CARMIL1: variants seen among roughly 807,000 people sequenced by gnomAD.
CARMIL1 encodes F-actin-uncapping protein LRRC16A.
Under a neutral mutation model 177.1 loss-of-function variants are expected in CARMIL1, and 90 were observed. The observed-to-expected ratio is 0.51, with a 90% CI of 0.43 to 0.61. CARMIL1 has a LOEUF of 0.61. Ranked by LOEUF, CARMIL1 falls within the 20% of genes least tolerant of loss-of-function variation. The pLI is 0.00. For synonymous variants in CARMIL1, 577 were observed against 606.2 expected (o/e 0.95, Z 0.71); for missense variants, 1,380 against 1,667.0 (o/e 0.83, Z 3.00).
chr6:25,423,380 G>A (rs951050190), intron 3 of CARMIL1, among the ~76,000 whole-genome samples: 2 of 152,202 alleles, frequency 1.3e-5, no homozygotes, highest in African/African-American at 4.8e-5. Context: ...TCTTTCGGGG[G>A]TTGGGTAATT....
intron 26 of CARMIL1, among the ~76,000 whole-genome samples, chr6:25,542,874 T>C (rs531821437): frequency 2.6e-5 from 4 of 152,284 alleles, no homozygotes; most frequent in African/African-American, 7.2e-5. Context: ...ATTTTTAATA[T>C]AACCAGTGTT....
At chr6:25,573,369 C>T (rs543689717) in intron 29 of CARMIL1, among the ~76,000 whole-genome samples, 1 of 151,748 alleles carries the variant, frequency 6.6e-6, no homozygotes, top group South Asian at 2.1e-4. Flanking sequence ...ATTTCTTGGC[C>T]ATTAGATAAA....
chr6:25,314,808 A>G lies in CARMIL1; in HGVS notation c.138+29899A>G, dbSNP rs561062637. Reference sequence around the variant, plus strand: ...GCCCAAAATAACTTTTATTTTTATGATGGTTAGATTTTGCCTGCATATTTA... The same window carrying G: ...GCCCAAAATAACTTTTATTTTTATGGTGGTTAGATTTTGCCTGCATATTTA... On this transcript the variant is annotated intron_variant, in intron 2 of 36. Transcript: ENST00000329474. Among the ~76,000 whole-genome samples the G allele has an allele frequency of 3.9e-5, 6 of 152,242 alleles. No individual in the cohort carries two copies. In the South Asian group the frequency reaches 1.2e-3, roughly 32 times the overall value.
At chr6:25,476,263 G>A (rs562740780) in intron 11 of CARMIL1, among the ~76,000 whole-genome samples, 1 of 152,126 alleles carries the variant, frequency 6.6e-6, no homozygotes, top group East Asian at 1.9e-4. Flanking sequence ...CTTTTATCTA[G>A]CTGCGTCCCA....
At position 25,356,531 on chromosome 6, in the gene CARMIL1, A is replaced by G. The variant is rs1375710881; in HGVS notation, c.139-63583A>G. Among the ~76,000 whole-genome samples, 6 of 152,308 alleles carry G rather than the reference A, an allele frequency of 3.9e-5. No individual in the cohort carries two copies. In the East Asian group the frequency reaches 1.2e-3, roughly 29 times the overall value. ...AGGATTCTAGGTGGGTAGGGTGTAA[A>G]CCTCACCAAGTAACTCAGCTGAAAA... On this transcript the variant is annotated intron_variant, in intron 2 of 36. Coordinates refer to ENST00000329474, the MANE Select transcript of CARMIL1 (RefSeq NM_017640.6).
intron 23 of CARMIL1, among the ~76,000 whole-genome samples, chr6:25,523,696 C>T (rs1031542853): frequency 8.5e-5 from 13 of 152,100 alleles, no homozygotes; most frequent in African/African-American, 2.9e-4. Flanking sequence ...AAACAGAAAA[C>T]CAATGACTTT....
Position 25,385,038 on chromosome 6 carries a change from A to G in CARMIL1, c.139-35076A>G, listed in dbSNP as rs184009586. 2.0e-4 allele frequency among the ~76,000 whole-genome samples: 31 copies of G among 152,308 alleles called. No individual in the cohort carries two copies. The East Asian group carries it at 5.4e-3, about 26-fold the overall frequency. On this transcript the variant is annotated intron_variant, in intron 2 of 36. Transcript: ENST00000329474. ...CTGGAGGGACAATGATTAATAAGAT[A>G]ATCTTTCTTTACAGAGTTCACATTC...
At chr6:25,568,840 T>A (rs981046227) in intron 29 of CARMIL1, among the ~76,000 whole-genome samples, 5 of 152,212 alleles carry the variant, frequency 3.3e-5, no homozygotes, top group African/African-American at 1.2e-4. Context: ...CTTTAAATGT[T>A]GGAGAATGTC....
intron 2 of CARMIL1, among the ~76,000 whole-genome samples, chr6:25,410,416 G>C (rs1209080911): frequency 6.6e-6 from 1 of 152,150 alleles, no homozygotes; most frequent in Non-Finnish European, 1.5e-5. Flanking sequence ...CTTGTGTTTT[G>C]CATGTATTAT....
chr6:25,448,197 A>G (rs183133727), intron 5 of CARMIL1, among the ~76,000 whole-genome samples: 30 of 152,324 alleles, frequency 2.0e-4, no homozygotes, highest in African/African-American at 7.2e-4. Flanking sequence ...ATTTGTTCAC[A>G]GTGCCCATCT....
chr6:25,433,224 A>G (rs746928155), intron 4 of CARMIL1: 3 of 152,158 alleles, frequency 2.0e-5, no homozygotes, highest in African/African-American at 4.8e-5. Flanking sequence ...ATTCTATTCA[A>G]TCCTGTGCAA....
intron 2 of CARMIL1, among the ~76,000 whole-genome samples, chr6:25,391,500 C>G (rs1365909560): frequency 6.6e-6 from 1 of 152,062 alleles, no homozygotes; most frequent in Non-Finnish European, 1.5e-5. Context: ...TAGATGGTAT[C>G]GAGATCTTGC....
At chr6:25,335,875 TGTAC>T (rs1786161032) in intron 2 of CARMIL1, among the ~76,000 whole-genome samples, 1 of 150,810 alleles carries the variant, frequency 6.6e-6, no homozygotes, top group African/African-American at 2.4e-5. Flanking sequence ...TATATGGAAT[TGTAC>T]GTGTCTTTTA....
chr6:25,324,166 T>A (rs1412165581), intron 2 of CARMIL1, among the ~76,000 whole-genome samples: 1 of 152,206 alleles, frequency 6.6e-6, no homozygotes, highest in Non-Finnish European at 1.5e-5. Context: ...TTCTCCTGTC[T>A]GCTGCTGCCA....
chr6:25,537,751 G>T, intron 24 of CARMIL1, 104 bp from the exon 25 acceptor site: 1 of 1,355,620 alleles, frequency 7.4e-7, no homozygotes, highest in South Asian at 1.4e-5. Context: ...TGTGCATTCT[G>T]TGGTTTGCTG....
At position 25,475,614 on chromosome 6, in the gene CARMIL1, G is replaced by A. The variant is rs568422463; in HGVS notation, c.874+3093G>A. 5.9e-5 allele frequency among the ~76,000 whole-genome samples: 9 copies of A among 152,306 alleles called. No individual in the cohort carries two copies. The South Asian group carries it at 1.9e-3, about 32-fold the overall frequency. On this transcript the variant is annotated intron_variant, in intron 11 of 36. Transcript: ENST00000329474. ...ATAAAATGCGGTATATATAATATGT[G>A]CACTGGAATACTACTCAAAAGAGAA...
At chr6:25,412,962 A>G (rs567388012) in intron 2 of CARMIL1, among the ~76,000 whole-genome samples, 1 of 152,292 alleles carries the variant, frequency 6.6e-6, no homozygotes, top group Non-Finnish European at 1.5e-5. Context: ...CTTTTGGGTG[A>G]AGTGTCCTCC....
intron 2 of CARMIL1, among the ~76,000 whole-genome samples, chr6:25,341,947 C>A (rs558027835): frequency 6.6e-6 from 1 of 152,312 alleles, no homozygotes; most frequent in African/African-American, 2.4e-5. Flanking sequence ...GGCACAGGTG[C>A]ACTTTGGTGC....
chr6:25,462,105 C>T (rs1462029596), intron 8 of CARMIL1, among the ~76,000 whole-genome samples: 1 of 152,118 alleles, frequency 6.6e-6, no homozygotes, highest in East Asian at 1.9e-4. Context: ...TAAATATTTT[C>T]TGTCAGCATG....
Sources: allele counts gnomAD v4.1 joint callset (sites outside exome capture counted in the v4.1 genomes callset), GRCh38; gene constraint gnomAD v4.1.1; transcripts MANE v1.5; gene names NCBI Gene and HGNC (gene_info 2026-07-23, HGNC 2026-07-21).